Variants in PPIC observed in about 807,000 individuals in gnomAD.
The protein encoded by PPIC is peptidyl-prolyl cis-trans isomerase C.
A neutral mutation model predicts 19.5 loss-of-function variants in PPIC; 19 were observed. The ratio of observed to expected loss-of-function variants is 0.98; its 90% CI spans 0.68 to 1.43. The LOEUF is 1.43. PPIC is among the 40% of genes most tolerant of loss of function. The pLI is 0.00. For missense variants in PPIC, 268 were observed against 268.6 expected, an observed-to-expected ratio of 1.00 and a Z score of 0.02; for synonymous variants, 107 against 101.2, an observed-to-expected ratio of 1.06 and a Z score of -0.34.
chr5:123,028,898 G>C (rs1762902420), intron 2 of PPIC, 30 bp from the exon 3 acceptor site: 4 of 1,519,228 alleles, frequency 2.6e-6, no homozygotes, highest in African/African-American at 1.4e-5. Flanking sequence ...TGAATAACAA[G>C]TAACAGAGGC....
chr5:123,031,144 A>T (rs1762935740), intron 1 of PPIC, among the ~76,000 whole-genome samples: 1 of 152,232 alleles, frequency 6.6e-6, no homozygotes, highest in African/African-American at 2.4e-5. Flanking sequence ...AGGTTTTGCC[A>T]ACTCTACTGG....
chr5:123,031,754 G>C (rs1043563240), intron 1 of PPIC, among the ~76,000 whole-genome samples: 11 of 152,136 alleles, frequency 7.2e-5, no homozygotes, highest in Admixed American at 5.9e-4. Context: ...GCACTGGGGT[G>C]GTGGCAGAAG....
chr5:123,035,071 C>G (rs1762988108), intron 1 of PPIC, among the ~76,000 whole-genome samples: 1 of 152,200 alleles, frequency 6.6e-6, no homozygotes, highest in Non-Finnish European at 1.5e-5. Context: ...TGCTGCTCAC[C>G]CCTCCAACCT....
At chr5:123,027,806 A>G (rs1294862650) in intron 3 of PPIC, among the ~76,000 whole-genome samples, 2 of 152,238 alleles carry the variant, frequency 1.3e-5, no homozygotes, top group African/African-American at 2.4e-5. Context: ...AAAATCTTAA[A>G]TCTAAAGTAA....
intron 1 of PPIC, among the ~76,000 whole-genome samples, chr5:123,031,805 C>A (rs1285584898): frequency 6.6e-6 from 1 of 152,062 alleles, no homozygotes; most frequent in African/African-American, 2.4e-5. Context: ...TATTTATTTA[C>A]TTATTTACTG....
Position 123,033,573 on chromosome 5 carries a change from C to T in PPIC, c.117+2936G>A, listed in dbSNP as rs45603334. On this transcript the variant is annotated intron_variant, in intron 1 of 4. Transcript: ENST00000306442. ...TGAATCTTACAGCTCATAGCAGAGC[C>T]GTGAGCTAAATAAACCTTTTTTCTT... 4.6e-3 allele frequency among the ~76,000 whole-genome samples: 698 copies of T among 152,314 alleles called. 5 individuals are homozygous for T. Among genetic ancestry groups the T allele is most frequent in the African/African-American group, 0.015 (644 of 41,560 alleles).
intron 4 of PPIC, among the ~76,000 whole-genome samples, chr5:123,024,220 A>G (rs45578633): frequency 0.03 from 4,592 of 152,294 alleles, 130 homozygotes; most frequent in East Asian, 0.04. Context: ...AAATTCACCC[A>G]TGACCTTCTT....
intron 1 of PPIC, among the ~76,000 whole-genome samples, chr5:123,032,140 A>T (rs1193547841): frequency 6.6e-6 from 1 of 152,226 alleles, no homozygotes; most frequent in Non-Finnish European, 1.5e-5. Context: ...GAGGAGGAGC[A>T]GGAAGAAAGA....
chr5:123,031,484 G>A (rs1398877854), intron 1 of PPIC, among the ~76,000 whole-genome samples: 2 of 152,224 alleles, frequency 1.3e-5, no homozygotes, highest in Non-Finnish European at 2.9e-5. Context: ...CACCTAGGCA[G>A]GAAATGTGAC....
chr5:123,029,663 T>C (rs958854706), intron 1 of PPIC, among the ~76,000 whole-genome samples: 1 of 152,136 alleles, frequency 6.6e-6, no homozygotes, highest in African/African-American at 2.4e-5. Flanking sequence ...GTACCAGGTA[T>C]TGAGTTTAAA....
intron 3 of PPIC, among the ~76,000 whole-genome samples, chr5:123,027,907 T>C (rs778650357): frequency 1.3e-5 from 2 of 152,246 alleles, no homozygotes; most frequent in African/African-American, 2.4e-5. Flanking sequence ...TGGATAGCTA[T>C]AATCCTGAAT....
intron 1 of PPIC, among the ~76,000 whole-genome samples, chr5:123,033,680 A>G (rs1762969705): frequency 6.6e-6 from 1 of 152,230 alleles, no homozygotes; most frequent in Non-Finnish European, 1.5e-5. Flanking sequence ...TAATGTGCAA[A>G]GCCCTCCCAG....
chr5:123,026,037 G>A, intron 3 of PPIC, 69 bp from the exon 4 acceptor site: 1 of 1,342,966 alleles, frequency 7.4e-7, no homozygotes, highest in Non-Finnish European at 1.0e-6. Flanking sequence ...GGAAACATAA[G>A]GCCTTAGAGG....
intron 1 of PPIC, among the ~76,000 whole-genome samples, chr5:123,034,367 A>G (rs890246418): frequency 2.0e-5 from 3 of 152,198 alleles, no homozygotes; most frequent in Non-Finnish European, 4.4e-5. Context: ...AGTAGGGTGC[A>G]TGCAAACTCT....
chr5:123,036,555 G>A lies in PPIC; in HGVS notation c.71C>T (p.Ser24Leu). The change falls in exon 1 of 5, where the codon TCG (serine) becomes TTG (leucine). Residue 24 changes from serine (S) to leucine (L), a missense_variant. Ser to Leu is a moderately radical substitution (Grantham distance 145). Coordinates refer to ENST00000306442, the MANE Select transcript of PPIC (RefSeq NM_000943.5). This position sits in a 1 kb window ranked among gnomAD's most constrained non-coding sequence, Gnocchi z 4.5. The part of the protein sequence containing the change: ...CVGLGALVFS[S>L]GAEGFRKRGP... ...TCGCTTGCGGAAGCCCTCGGCCCCC[G>A]AAGAAAACACAAGTGCGCCGAGCCC... 1 of 1,604,318 alleles carries A rather than the reference G, an allele frequency of 6.2e-7. No individual in the cohort carries two copies. Among genetic ancestry groups the A allele is most frequent in the Non-Finnish European group, 8.5e-7 (1 of 1,176,892 alleles).
At chr5:123,029,788 T>C (rs1377992724) in intron 1 of PPIC, among the ~76,000 whole-genome samples, 1 of 151,934 alleles carries the variant, frequency 6.6e-6, no homozygotes, top group African/African-American at 2.4e-5. Flanking sequence ...GGATGAAGAG[T>C]AGAATGGAAA....
chr5:123,034,197 A>G (rs1762974754), intron 1 of PPIC, among the ~76,000 whole-genome samples: 1 of 152,272 alleles, frequency 6.6e-6, no homozygotes, highest in East Asian at 1.9e-4. Context: ...ATTATTTTTA[A>G]CGTCATTTTC....
Position 123,036,457 on chromosome 5 carries a change from C to A in PPIC, c.117+52G>T. On this transcript the variant is annotated intron_variant, in intron 1 of 4. Coordinates refer to ENST00000306442, the MANE Select transcript of PPIC (RefSeq NM_000943.5). The surrounding 1 kb of genome is among the most constrained non-coding windows in gnomAD (Gnocchi z 4.5). The stretch of plus-strand genomic sequence containing the variant: ...CCGAGGTCCCAGTATCCAAAGCGCC[C>A]CCAGGGCCCCGCCCGCAACAGGGGA... 1 of 1,528,552 alleles carries A rather than the reference C, an allele frequency of 6.5e-7. No homozygotes were observed. The highest frequency in any genetic ancestry group is 9.0e-7 in the Non-Finnish European group (1 of 1,116,890). 94.7% of individuals were successfully genotyped at this position (1,528,552 alleles called of 1,614,324 possible).
Position 123,033,363 on chromosome 5 carries a change from G to A in PPIC, c.117+3146C>T, listed in dbSNP as rs45578133. Among the ~76,000 whole-genome samples, 585 of 139,344 alleles carry A rather than the reference G, an allele frequency of 4.2e-3. 4 individuals are homozygous for A. The highest frequency in any genetic ancestry group is 0.015 in the African/African-American group (556 of 37,402). The allele number at this position is 139,344 out of a possible 152,430, so 91.4% of individuals were successfully genotyped here. A position where few individuals can be genotyped will look rare whatever the true frequency, so the allele number is the denominator to read the frequency against. ...GGTGTAGATCCCTCATGAATGGCTT[G>A]GTGCCATCTCAGTAGTGAATGGGTT... is the stretch of plus-strand genomic sequence containing the variant. On this transcript the variant is annotated intron_variant, in intron 1 of 4. Coordinates refer to ENST00000306442, the MANE Select transcript of PPIC (RefSeq NM_000943.5).
Sources: gnomAD v4.1 joint callset for allele counts (sites outside exome capture counted in the v4.1 genomes callset) on GRCh38, gnomAD v4.1.1 for gene constraint, Gnocchi (gnomAD v3.1) non-coding constraint, MANE v1.5 for transcripts, NCBI Gene and HGNC (gene_info 2026-07-23, HGNC 2026-07-21) for gene names.